Variants in NTM observed in about 807,000 individuals in gnomAD.
NTM encodes neurotrimin.
NTM carries 13 observed loss-of-function variants against 42.1 expected under a neutral mutation model. The ratio of observed to expected loss-of-function variants is 0.31; its 90% confidence interval spans 0.20 to 0.49. The LOEUF (loss-of-function observed/expected upper bound fraction) is 0.49, where lower values mean the gene tolerates loss of function less well. NTM is among the 20% of genes least tolerant of loss of function. The pLI, the probability that NTM is intolerant of heterozygous loss-of-function variation, is 0.99. For missense variants in NTM, 373 were observed against 452.8 expected, an observed-to-expected ratio of 0.82 and a Z score of 1.60; for synonymous variants, 187 against 179.2, an observed-to-expected ratio of 1.04 and a Z score of -0.35.
intron 2 of NTM, among the ~76,000 whole-genome samples, chr11:132,144,033 T>C (rs1343006665): frequency 6.6e-6 from 1 of 152,204 alleles, no homozygotes; most frequent in Admixed American, 6.5e-5. Context: ...CTTATTAAAA[T>C]GCAGATTCAA....
chr11:132,166,237 C>T (rs1286310158), intron 3 of NTM, among the ~76,000 whole-genome samples: 1 of 152,120 alleles, frequency 6.6e-6, no homozygotes, highest in Non-Finnish European at 1.5e-5. Flanking sequence ...CACTTAGTTC[C>T]AGGTGTCATT....
intron 1 of NTM, among the ~76,000 whole-genome samples, chr11:131,710,297 G>A (rs1424955766): frequency 1.3e-5 from 2 of 152,092 alleles, no homozygotes; most frequent in Non-Finnish European, 2.9e-5. Flanking sequence ...ACTACTTAAT[G>A]ACATGGAAAA....
At chr11:132,313,977 G>GAGAAA (rs1222844109) in intron 6 of NTM, among the ~76,000 whole-genome samples, 1 of 152,052 alleles carries the variant, frequency 6.6e-6, no homozygotes, top group Non-Finnish European at 1.5e-5. Context: ...GTCCCCTGAT[G>GAGAAA]AGAAAAATGA....
chr11:131,708,939 C>T (rs2076850877), intron 1 of NTM, among the ~76,000 whole-genome samples: 1 of 152,022 alleles, frequency 6.6e-6, no homozygotes, highest in Admixed American at 6.6e-5. Flanking sequence ...GGTGGGGTTG[C>T]AATTTTAAAG....
chr11:132,325,788 C>A (rs1345218555), intron 7 of NTM, among the ~76,000 whole-genome samples: 11 of 152,158 alleles, frequency 7.2e-5, no homozygotes, highest in Non-Finnish European at 1.5e-4. Context: ...CAACAATAGA[C>A]TGGATTAAGA....
chr11:132,012,290 ATTAC>A (rs1291904822), intron 2 of NTM, among the ~76,000 whole-genome samples: 1 of 152,230 alleles, frequency 6.6e-6, no homozygotes, highest in Non-Finnish European at 1.5e-5. Flanking sequence ...ATGCAATTTT[ATTAC>A]TTTCAAGAAC....
intron 3 of NTM, among the ~76,000 whole-genome samples, chr11:132,169,297 G>A (rs1291107054): frequency 8.4e-6 from 1 of 118,398 alleles, no homozygotes; most frequent in Non-Finnish European, 1.7e-5. Flanking sequence ...TAGCCAGAGT[G>A]ATATCTAGGT....
chr11:132,111,063 C>CAAAAAAAAAAAAAAAAAAAAAAAA (rs57458373), intron 2 of NTM, among the ~76,000 whole-genome samples: 1 of 35,466 alleles, frequency 2.8e-5, no homozygotes, highest in Non-Finnish European at 4.7e-5. Context: ...GGCCCTATCT[C>CAAAAAAAAAAAAAAAAAAAAAAAA]AAAAAAAAAA....
chr11:131,585,403 G>C (rs545295613), intron 1 of NTM, among the ~76,000 whole-genome samples: 1 of 152,246 alleles, frequency 6.6e-6, no homozygotes, highest in East Asian at 1.9e-4. Context: ...GTTCACCATG[G>C]GAGACACTCC....
chr11:131,506,518 TGAG>T (rs1460486972), intron 1 of NTM, among the ~76,000 whole-genome samples: 1 of 152,194 alleles, frequency 6.6e-6, no homozygotes, highest in Non-Finnish European at 1.5e-5. Context: ...CAACTCACTC[TGAG>T]GAGGAGGCGG....
chr11:131,804,615 G>T (rs1258744273), intron 1 of NTM, among the ~76,000 whole-genome samples: 1 of 152,106 alleles, frequency 6.6e-6, no homozygotes, highest in Non-Finnish European at 1.5e-5. Flanking sequence ...AAAACTCACA[G>T]CAAGGGTTAT....
At chr11:132,229,593 AAAG>A (rs1381979550) in intron 4 of NTM, among the ~76,000 whole-genome samples, 1 of 152,226 alleles carries the variant, frequency 6.6e-6, no homozygotes, top group South Asian at 2.1e-4. Context: ...ATTTTACAGA[AAAG>A]AAGATCAAAG....
At chr11:131,805,407 T>C (rs1184082514) in intron 1 of NTM, among the ~76,000 whole-genome samples, 2 of 152,318 alleles carry the variant, frequency 1.3e-5, no homozygotes, top group East Asian at 1.9e-4. Context: ...TCTGTTTTCA[T>C]TCATCCTACA....
At chr11:132,001,663 A>G (rs577003631) in intron 2 of NTM, among the ~76,000 whole-genome samples, 8 of 152,218 alleles carry the variant, frequency 5.3e-5, no homozygotes, top group African/African-American at 7.2e-5. Context: ...ATCTCCCCCC[A>G]TTACCCAAAC....
chr11:131,473,326 C>A (rs1591769877), intron 1 of NTM, among the ~76,000 whole-genome samples: 1 of 152,084 alleles, frequency 6.6e-6, no homozygotes, highest in African/African-American at 2.4e-5. Context: ...TTGACAACTG[C>A]TCCAAGAGGG....
chr11:131,714,892 TG>T (rs2077529497), intron 1 of NTM, among the ~76,000 whole-genome samples: 1 of 152,202 alleles, frequency 6.6e-6, no homozygotes, highest in Non-Finnish European at 1.5e-5. Context: ...ATGGTTTGAG[TG>T]GTGCTATTTT....
intron 1 of NTM, chr11:131,777,121 A>C: frequency 1.1e-6 from 1 of 896,738 alleles, no homozygotes; most frequent in Non-Finnish European, 1.3e-6. Flanking sequence ...GGAAGTACTC[A>C]GTGTATTTAT....
intron 1 of NTM, among the ~76,000 whole-genome samples, chr11:131,819,328 G>A (rs1737492913): frequency 6.6e-6 from 1 of 152,168 alleles, no homozygotes; most frequent in Admixed American, 6.5e-5. Flanking sequence ...AGTTTACTTG[G>A]TTTGGGGTCA....
At chr11:131,818,758 G>C (rs553826542) in intron 1 of NTM, among the ~76,000 whole-genome samples, 1 of 152,078 alleles carries the variant, frequency 6.6e-6, no homozygotes, top group African/African-American at 2.4e-5. Flanking sequence ...TACACTTACC[G>C]ATCATCTGAG....
Sources: gnomAD v4.1 joint callset for allele counts (sites outside exome capture counted in the v4.1 genomes callset) on GRCh38, gnomAD v4.1.1 for gene constraint, MANE v1.5 for transcripts, NCBI Gene and HGNC (gene_info 2026-07-23, HGNC 2026-07-21) for gene names.